The following BACH2 variants were observed in gnomAD, a reference collection of about 807,000 sequenced individuals.
BACH2 encodes transcription regulator protein BACH2.
Under a neutral mutation model 61.8 loss-of-function variants are expected in BACH2, and 5 were observed. The ratio of observed to expected loss-of-function variants is 0.08; its 90% confidence interval spans 0.04 to 0.17. The LOEUF (loss-of-function observed/expected upper bound fraction) is 0.17. BACH2 is among the 10% of genes least tolerant of loss of function. BACH2 has a pLI of 1.00. For synonymous variants in BACH2, 446 were observed against 440.1 expected (o/e 1.01, Z -0.17); for missense variants, 824 against 1,091.1 (o/e 0.76, Z 3.45).
In BACH2 at chr6:90,214,369, G is replaced by A. The variant is rs79063838; in HGVS notation, c.-274-7688C>T. ...TCCCTTGGCGGGGCGGGGGGAGGGGGTTGCTGTACAATTCAGGCAAACATA... is the reference window on the plus strand; with the variant it reads ...TCCCTTGGCGGGGCGGGGGGAGGGGATTGCTGTACAATTCAGGCAAACATA... On this transcript the variant is annotated intron_variant, in intron 3 of 8. Coordinates refer to ENST00000257749, the MANE Select transcript of BACH2 (RefSeq NM_021813.4). Among the ~76,000 whole-genome samples the A allele has an allele frequency of 6.7e-3, 1,026 of 152,026 alleles. 14 individuals carry two copies. Among genetic ancestry groups the A allele is most frequent in the African/African-American group, 0.023 (963 of 41,460 alleles).
At chr6:90,164,523 A>T (rs1050344687) in intron 4 of BACH2, among the ~76,000 whole-genome samples, 3 of 152,076 alleles carry the variant, frequency 2.0e-5, no homozygotes, top group Non-Finnish European at 4.4e-5. Flanking sequence ...AAACTATTCC[A>T]ATCAATAGAA....
At chr6:90,271,266 A>G (rs1771509397) in intron 2 of BACH2, among the ~76,000 whole-genome samples, 1 of 151,924 alleles carries the variant, frequency 6.6e-6, no homozygotes, top group African/African-American at 2.4e-5. Flanking sequence ...AAGACAACCC[A>G]CAGAGTGGGA....
At chr6:90,156,648 G>C (rs1164993980) in intron 4 of BACH2, among the ~76,000 whole-genome samples, 1 of 152,006 alleles carries the variant, frequency 6.6e-6, no homozygotes, top group Non-Finnish European at 1.5e-5. Flanking sequence ...CTTTACTTAG[G>C]GCCTTGCATT....
chr6:90,228,714 G>A (rs1582509975), intron 3 of BACH2, among the ~76,000 whole-genome samples: 2 of 152,192 alleles, frequency 1.3e-5, no homozygotes, highest in African/African-American at 4.8e-5. Flanking sequence ...ACTCCAGCCT[G>A]GGTGACAGCA....
chr6:90,142,322 T>C (rs1020300298), intron 4 of BACH2, among the ~76,000 whole-genome samples: 1 of 152,188 alleles, frequency 6.6e-6, no homozygotes, highest in Non-Finnish European at 1.5e-5. Context: ...ACTTATTGTG[T>C]TGTTCTTAAA....
At chr6:90,253,895 AT>A (rs148639908) in intron 2 of BACH2, among the ~76,000 whole-genome samples, 3 of 151,946 alleles carry the variant, frequency 2.0e-5, no homozygotes, top group Admixed American at 6.6e-5. Flanking sequence ...TTGCCGAACT[AT>A]TTTTTTTAAA....
At chr6:90,144,776 C>T (rs1238062035) in intron 4 of BACH2, among the ~76,000 whole-genome samples, 1 of 152,138 alleles carries the variant, frequency 6.6e-6, no homozygotes, top group African/African-American at 2.4e-5. Flanking sequence ...TCCTATTCAC[C>T]TACAATGCAG....
intron 4 of BACH2, among the ~76,000 whole-genome samples, chr6:90,138,014 C>T (rs1423865048): frequency 2.6e-5 from 4 of 151,614 alleles, no homozygotes; most frequent in Non-Finnish European, 5.9e-5. Flanking sequence ...ATTCTCCCAG[C>T]CCTAATACTC....
At chr6:90,151,295 A>AT (rs1784802904) in intron 4 of BACH2, among the ~76,000 whole-genome samples, 1 of 151,704 alleles carries the variant, frequency 6.6e-6, no homozygotes, top group Admixed American at 6.6e-5. Context: ...TATATATTTT[A>AT]TTTTTTTGAG....
intron 5 of BACH2, among the ~76,000 whole-genome samples, chr6:90,077,476 G>A (rs553168155): frequency 1.6e-3 from 241 of 152,264 alleles, no homozygotes; most frequent in Non-Finnish European, 1.7e-3. Flanking sequence ...TTTAATACAA[G>A]ACAGATTTCC....
intron 3 of BACH2, among the ~76,000 whole-genome samples, chr6:90,215,104 G>A (rs1453015838): frequency 6.6e-6 from 1 of 152,062 alleles, no homozygotes; most frequent in Non-Finnish European, 1.5e-5. Flanking sequence ...TATTCTTTTT[G>A]AGGGAGTACC....
chr6:90,177,563 C>T (rs906030135), intron 4 of BACH2, among the ~76,000 whole-genome samples: 3 of 152,174 alleles, frequency 2.0e-5, no homozygotes, highest in African/African-American at 4.8e-5. Flanking sequence ...CCATTGCCTA[C>T]GTTAGCTCCT....
intron 4 of BACH2, among the ~76,000 whole-genome samples, chr6:90,190,656 A>C (rs1768538694): frequency 6.6e-6 from 1 of 152,264 alleles, no homozygotes; most frequent in Non-Finnish European, 1.5e-5. Flanking sequence ...TTCAAAGATA[A>C]TCTGGCCCAC....
At chr6:90,170,241 A>G (rs1452686186) in intron 4 of BACH2, among the ~76,000 whole-genome samples, 1 of 152,204 alleles carries the variant, frequency 6.6e-6, no homozygotes, top group Non-Finnish European at 1.5e-5. Context: ...AAAATAAATA[A>G]TATTGCTTAC....
intron 3 of BACH2, among the ~76,000 whole-genome samples, chr6:90,244,003 C>T (rs1309877836): frequency 6.6e-6 from 1 of 152,200 alleles, no homozygotes. Context: ...CTCACTGCAA[C>T]CTCCATCTCC....
chr6:89,946,306 A>C (rs1391122706), intron 7 of BACH2, among the ~76,000 whole-genome samples: 1 of 152,226 alleles, frequency 6.6e-6, no homozygotes, highest in Non-Finnish European at 1.5e-5. Flanking sequence ...AATTGGCAAA[A>C]ATTAAAAAGA....
At chr6:90,052,554 G>C (rs1780101457) in intron 5 of BACH2, among the ~76,000 whole-genome samples, 1 of 152,094 alleles carries the variant, frequency 6.6e-6, no homozygotes, top group African/African-American at 2.4e-5. Context: ...CGAGCAGTTG[G>C]GATTACAGGT....
At chr6:90,179,404 G>A (rs185464442) in intron 4 of BACH2, among the ~76,000 whole-genome samples, 299 of 152,282 alleles carry the variant, frequency 2.0e-3, no homozygotes, top group Non-Finnish European at 2.8e-3. Context: ...TTCAACTACT[G>A]CCCCCTCCTG....
At chr6:90,195,614 G>A (rs1380905720) in intron 4 of BACH2, among the ~76,000 whole-genome samples, 1 of 152,122 alleles carries the variant, frequency 6.6e-6, no homozygotes, top group African/African-American at 2.4e-5. Flanking sequence ...GGAAGATAGC[G>A]CCAGTCCATT....
Sources: allele counts gnomAD v4.1 joint callset (sites outside exome capture counted in the v4.1 genomes callset), GRCh38; gene constraint gnomAD v4.1.1; transcripts MANE v1.5; gene names NCBI Gene and HGNC (gene_info 2026-07-23, HGNC 2026-07-21).